DYNC2H1: variants seen among roughly 807,000 people sequenced by gnomAD.
The protein encoded by DYNC2H1 is cytoplasmic dynein 2 heavy chain 1.
DYNC2H1 carries 410 observed loss-of-function variants against 570.0 expected under a neutral mutation model. That is an observed-to-expected ratio of 0.72 (90% CI 0.66 to 0.78). The LOEUF is 0.78. Among genes scored for constraint, DYNC2H1 ranks in the 30% least tolerant of loss-of-function variants. The pLI is 0.00. For synonymous variants in DYNC2H1, 1,688 were observed against 1,677.6 expected (o/e 1.01, Z -0.15); for missense variants, 4,865 against 5,046.4 (o/e 0.96, Z 1.09).
chr11:103,467,954 A>G (rs531172314), intron 87 of DYNC2H1, among the ~76,000 whole-genome samples: 1 of 152,300 alleles, frequency 6.6e-6, no homozygotes, highest in South Asian at 2.1e-4. Flanking sequence ...CTGACTCTAC[A>G]TTTGTTACCT....
intron 65 of DYNC2H1, among the ~76,000 whole-genome samples, chr11:103,248,506 CTAAG>C (rs1440389682): frequency 6.6e-6 from 1 of 152,000 alleles, no homozygotes; most frequent in African/African-American, 2.4e-5. Context: ...AGTCTGCATA[CTAAG>C]TATCAGTTAT....
At chr11:103,306,963 T>C (rs1211553956) in intron 77 of DYNC2H1, among the ~76,000 whole-genome samples, 1 of 152,154 alleles carries the variant, frequency 6.6e-6, no homozygotes, top group African/African-American at 2.4e-5. Flanking sequence ...GGGAAAAATT[T>C]ACAAAATGAC....
At chr11:103,458,624 A>G (rs1387776953) in intron 87 of DYNC2H1, among the ~76,000 whole-genome samples, 1 of 152,142 alleles carries the variant, frequency 6.6e-6, no homozygotes, top group African/African-American at 2.4e-5. Flanking sequence ...GCCACTTATG[A>G]TGATCTATTT....
In DYNC2H1 at chr11:103,309,168, A is replaced by ATTTTTTTTTTTTTT. The variant is rs386374721; in HGVS notation, c.11493+1348_11493+1361dup. Among the ~76,000 whole-genome samples, 22 of 54,644 alleles carry ATTTTTTTTTTTTTT rather than the reference A, an allele frequency of 4.0e-4. 2 individuals are homozygous for ATTTTTTTTTTTTTT. The highest frequency in any genetic ancestry group is 5.8e-4 in the African/African-American group (9 of 15,544). 35.8% of individuals were successfully genotyped at this position (54,644 alleles called of 152,430 possible). A position where few individuals can be genotyped will look rare whatever the true frequency, so the allele number is the denominator to read the frequency against. On this transcript the variant is annotated intron_variant, in intron 78 of 88. Transcript: ENST00000375735. ...TTATTAGTGTTTGTAACTGCATGCT[A>ATTTTTTTTTTTTTT]TTTTTTTTTTTTTTTTTTTTTTTTG...
chr11:103,154,385 A>G, intron 22 of DYNC2H1, 66 bp from the exon 23 acceptor site: 1 of 1,369,368 alleles, frequency 7.3e-7, no homozygotes, highest in Non-Finnish European at 9.8e-7. Flanking sequence ...TAAGTAACTT[A>G]ATGATACTTA....
intron 87 of DYNC2H1, among the ~76,000 whole-genome samples, chr11:103,462,872 A>T (rs61904817): frequency 0.16 from 24,824 of 152,042 alleles, 2,192 homozygotes; most frequent in Admixed American, 0.25. Context: ...TTTTGCTTTT[A>T]TGAGGAGGGG....
At chr11:103,259,860 C>G (rs1033181439) in intron 69 of DYNC2H1, 28 bp from the exon 70 acceptor site, 28 of 1,403,156 alleles carry the variant, frequency 2.0e-5, no homozygotes, top group Non-Finnish European at 2.6e-5. Context: ...TATAAATTTC[C>G]TAATGAATTT....
chr11:103,358,190 C>T, intron 82 of DYNC2H1, 53 bp from the exon 83 acceptor site: 2 of 1,046,712 alleles, frequency 1.9e-6, no homozygotes, highest in East Asian at 2.6e-5. Context: ...TTCTTTCTTC[C>T]TGTTCGGCTG....
intron 82 of DYNC2H1, among the ~76,000 whole-genome samples, chr11:103,331,661 G>C (rs1363352206): frequency 1.3e-5 from 2 of 152,062 alleles, no homozygotes; most frequent in Non-Finnish European, 2.9e-5. Flanking sequence ...TGCAAGAAAA[G>C]GTACCACTCC....
intron 17 of DYNC2H1, among the ~76,000 whole-genome samples, chr11:103,138,323 C>T (rs984159187): frequency 3.3e-5 from 5 of 152,028 alleles, no homozygotes; most frequent in African/African-American, 1.2e-4. Context: ...AAAGGGAATG[C>T]TTCCAGTTTT....
intron 83 of DYNC2H1, among the ~76,000 whole-genome samples, chr11:103,377,527 GATT>G (rs1941442469): frequency 6.6e-6 from 1 of 151,734 alleles, no homozygotes; most frequent in African/African-American, 2.4e-5. Flanking sequence ...TTAATCTTTT[GATT>G]ATAATTATAG....
intron 75 of DYNC2H1, among the ~76,000 whole-genome samples, chr11:103,292,082 C>T (rs771892747): frequency 5.3e-5 from 8 of 150,936 alleles, no homozygotes; most frequent in Non-Finnish European, 8.8e-5. Context: ...AGGACTCTGG[C>T]TATTTTAGGA....
chr11:103,201,470 T>A lies in DYNC2H1; in HGVS notation c.8197+1316T>A, dbSNP rs1591399526. ...AGCATTTCTCACCCCTAATTGCACG[T>A]TAGAATCACTAGGATAATTAAAAAC... On this transcript the variant is annotated intron_variant, in intron 50 of 88. Coordinates refer to ENST00000375735, the MANE Select transcript of DYNC2H1 (RefSeq NM_001377.3). The surrounding 1 kb of genome is among the most constrained non-coding windows in gnomAD (Gnocchi z 4.8). Among the ~76,000 whole-genome samples the A allele has an allele frequency of 1.3e-5, 2 of 152,254 alleles. No individual in the cohort carries two copies. Among genetic ancestry groups the A allele is most frequent in the East Asian group, 3.9e-4 (2 of 5,182 alleles).
At position 103,156,587 on chromosome 11, in the gene DYNC2H1, C is replaced by T; in HGVS notation, c.3944C>T (p.Ser1315Phe). The T allele has an allele frequency of 6.2e-7, 1 of 1,613,402 alleles. No individual in the cohort carries two copies. Among genetic ancestry groups the T allele is most frequent in the East Asian group, 2.2e-5 (1 of 44,838 alleles). ...NRCLLQSLKD[S>F]PYYKGFEDKV... ...TGCCTTCTCCAATCCTTAAAGGATT[C>T]TCCTTATTATAAAGGATTTGAAGAT... Residue 1315 changes from serine (S) to phenylalanine (F), a missense_variant, in exon 26 of 89, where the codon TCT (serine) becomes TTT (phenylalanine). Coordinates refer to ENST00000375735, the MANE Select transcript of DYNC2H1 (RefSeq NM_001377.3).
Position 103,133,419 on chromosome 11 carries a change from A to G in DYNC2H1, c.1954-136A>G. The G allele has an allele frequency of 5.3e-6, 4 of 755,152 alleles. No homozygotes were observed. Among genetic ancestry groups the G allele is most frequent in the Non-Finnish European group, 6.0e-6 (3 of 499,426 alleles). 46.8% of individuals were successfully genotyped at this position (755,152 alleles called of 1,614,324 possible). ...TCTTTGCCAGACTGCCTTATCATTT[A>G]TAAAATGGAAAATTATTATGTGCTT... On this transcript the variant is annotated intron_variant, in intron 13 of 88. Transcript: ENST00000375735. This position sits in a 1 kb window ranked among gnomAD's most constrained non-coding sequence, Gnocchi z 4.8.
intron 53 of DYNC2H1, 79 bp from the exon 54 acceptor site, chr11:103,211,710 A>T (rs1435571933): frequency 3.4e-6 from 2 of 585,686 alleles, no homozygotes; most frequent in Non-Finnish European, 5.5e-6. Flanking sequence ...GTATAAAATA[A>T]CTATCATTAG....
intron 83 of DYNC2H1, among the ~76,000 whole-genome samples, chr11:103,393,196 G>A (rs1942245865): frequency 6.6e-6 from 1 of 152,172 alleles, no homozygotes; most frequent in Admixed American, 6.6e-5. Context: ...AACTTAAAAT[G>A]TAACAAAATA....
At position 103,253,317 on chromosome 11, in the gene DYNC2H1, A is replaced by G; in HGVS notation, c.10075A>G (p.Ile3359Val). The change falls in exon 66 of 89, where the codon ATT becomes GTT. Residue 3359 changes from isoleucine (I) to valine (V), a missense_variant. Coordinates refer to ENST00000375735, the MANE Select transcript of DYNC2H1 (RefSeq NM_001377.3). Reference protein sequence around the residue: ...PRYVVQIGDKIIDYNEEFRLF... With the variant: ...PRYVVQIGDKVIDYNEEFRLF... ...TTATGTGGTACAAATAGGTGACAAAATTATTGACTACAATGAAGAATTCCG... is the reference window on the plus strand; with the variant it reads ...TTATGTGGTACAAATAGGTGACAAAGTTATTGACTACAATGAAGAATTCCG... 6.2e-7 allele frequency: 1 copy of G among 1,613,266 alleles called. No homozygotes were observed. The highest frequency in any genetic ancestry group is 8.5e-7 in the Non-Finnish European group (1 of 1,179,454).
chr11:103,325,475 C>T lies in DYNC2H1; in HGVS notation c.12039+1485C>T, dbSNP rs1388970204. Among the ~76,000 whole-genome samples, 1 of 152,116 alleles carries T rather than the reference C, an allele frequency of 6.6e-6. No homozygotes were observed. Among genetic ancestry groups the T allele is most frequent in the Non-Finnish European group, 1.5e-5 (1 of 68,038 alleles). Reference sequence around the variant, plus strand: ...CATTTATTGAATAGGAAGTTCTTTCCCCACTGCTTGTTTTATGGACCTTGT... The same window carrying T: ...CATTTATTGAATAGGAAGTTCTTTCTCCACTGCTTGTTTTATGGACCTTGT... On this transcript the variant is annotated intron_variant, in intron 82 of 88. Coordinates refer to ENST00000375735, the MANE Select transcript of DYNC2H1 (RefSeq NM_001377.3). The surrounding 1 kb of genome is among the most constrained non-coding windows in gnomAD (Gnocchi z 4.8).
Sources: gnomAD v4.1 joint callset for allele counts (sites outside exome capture counted in the v4.1 genomes callset) on GRCh38, gnomAD v4.1.1 for gene constraint, Gnocchi (gnomAD v3.1) non-coding constraint, MANE v1.5 for transcripts, NCBI Gene and HGNC (gene_info 2026-07-23, HGNC 2026-07-21) for gene names.